SORCS3: variants seen among roughly 807,000 people sequenced by gnomAD.
SORCS3 encodes sortilin related VPS10 domain containing receptor 3.
Under a neutral mutation model 146.3 loss-of-function variants are expected in SORCS3, and 57 were observed. The observed-to-expected ratio is 0.39, with a 90% CI of 0.31 to 0.49. SORCS3 has a LOEUF of 0.49. Ranked by LOEUF, SORCS3 falls within the 20% of genes least tolerant of loss-of-function variation. The probability of loss-of-function intolerance (pLI) is 0.92; values close to 1 mark genes in which losing one functional copy is unlikely to be tolerated. For missense variants in SORCS3, 1,341 were observed against 1,575.5 expected (o/e 0.85, Z 2.52); for synonymous variants, 653 against 618.5 (o/e 1.06, Z -0.83).
intron 3 of SORCS3, among the ~76,000 whole-genome samples, chr10:104,916,736 T>TTAAAGGTCATTTTAATATTTC (rs1248055316): frequency 6.6e-6 from 1 of 152,090 alleles, no homozygotes; most frequent in Non-Finnish European, 1.5e-5. Flanking sequence ...AATGACCATA[T>TTAAAGGTCATTTTAATATTTC]TAAAGGTCAT....
intron 1 of SORCS3, among the ~76,000 whole-genome samples, chr10:104,794,622 G>GGAGAGAGAGAGAGA (rs371695559): frequency 9.7e-5 from 4 of 41,386 alleles, no homozygotes; most frequent in African/African-American, 3.3e-4. Flanking sequence ...AGAGAGGGAG[G>GGAGAGAGAGAGAGA]GAGAGAGAGA....
At chr10:104,679,401 C>T (rs547531008) in intron 1 of SORCS3, among the ~76,000 whole-genome samples, 1 of 152,230 alleles carries the variant, frequency 6.6e-6, no homozygotes, top group East Asian at 1.9e-4. Flanking sequence ...TTACCAGATG[C>T]TTTCTTTACA....
intron 1 of SORCS3, among the ~76,000 whole-genome samples, chr10:104,748,584 G>A (rs1255644665): frequency 6.6e-6 from 1 of 152,164 alleles, no homozygotes; most frequent in East Asian, 1.9e-4. Flanking sequence ...TGGGTGCAGT[G>A]GCTCACACCT....
At chr10:104,977,794 C>T (rs1422217499) in intron 4 of SORCS3, among the ~76,000 whole-genome samples, 19 of 145,592 alleles carry the variant, frequency 1.3e-4, no homozygotes, top group East Asian at 1.0e-3. Context: ...TGCAGTGGCG[C>T]GATCTTGGCT....
At chr10:104,729,988 T>C (rs1164500625) in intron 1 of SORCS3, among the ~76,000 whole-genome samples, 1 of 152,214 alleles carries the variant, frequency 6.6e-6, no homozygotes, top group African/African-American at 2.4e-5. Flanking sequence ...TTTCTGAGAA[T>C]TATGTAATTT....
rs367757847 is a variant in SORCS3 at position 105,212,813 on chromosome 10, A to G, written c.2375+1563A>G. ...GGACATGGTACCCACTGAAATACCT[A>G]TCATCAGTAAAAACTGAGTGTCTTG... On this transcript the variant is annotated intron_variant, in intron 17 of 26. Transcript: ENST00000369701. Among the ~76,000 whole-genome samples the G allele has an allele frequency of 8.5e-5, 13 of 152,306 alleles. No homozygotes were observed. The East Asian group carries it at 1.9e-3, about 23-fold the overall frequency.
chr10:104,958,440 A>G (rs2054768293), intron 3 of SORCS3, among the ~76,000 whole-genome samples: 1 of 152,294 alleles, frequency 6.6e-6, no homozygotes, highest in African/African-American at 2.4e-5. Flanking sequence ...TTAAAGTTCT[A>G]GATTGAATTA....
Position 104,899,263 on chromosome 10 carries a change from T to G in SORCS3, c.696-16570T>G, listed in dbSNP as rs569855466. On this transcript the variant is annotated intron_variant, in intron 2 of 26. Coordinates refer to ENST00000369701, the MANE Select transcript of SORCS3 (RefSeq NM_014978.3). ...GTTTTTAAACAGAGAATTCAGCTTA[T>G]CTGGCACATTAAAACTTACAGACTC... 2.0e-5 allele frequency among the ~76,000 whole-genome samples: 3 copies of G among 152,360 alleles called. No individual in the cohort carries two copies. The East Asian group carries it at 5.8e-4, about 29-fold the overall frequency.
intron 4 of SORCS3, among the ~76,000 whole-genome samples, chr10:105,032,142 C>T (rs189760363): frequency 3.3e-5 from 5 of 152,136 alleles, no homozygotes; most frequent in African/African-American, 1.2e-4. Flanking sequence ...CAGTGAGCCA[C>T]GATTGCGCCA....
At chr10:105,017,842 C>G (rs956784418) in intron 4 of SORCS3, among the ~76,000 whole-genome samples, 12 of 152,022 alleles carry the variant, frequency 7.9e-5, no homozygotes, top group Admixed American at 1.3e-4. Context: ...TTTTATATTC[C>G]CTGTAGTGGA....
Position 105,255,858 on chromosome 10 carries a change from AAAG to A in SORCS3, c.3337+58_3337+60del. 4 of 1,374,070 alleles carry A rather than the reference AAAG, an allele frequency of 2.9e-6. No homozygotes were observed. In the Admixed American group the frequency reaches 5.3e-5, roughly 18 times the overall value. 85.1% of individuals were successfully genotyped at this position (1,374,070 alleles called of 1,614,324 possible). On this transcript the variant is annotated intron_variant, in intron 24 of 26. Coordinates refer to ENST00000369701, the MANE Select transcript of SORCS3 (RefSeq NM_014978.3). Reference sequence around the variant, plus strand: ...AAGAGGATCTGTTATCCCAGAGAGAAAAGGAGGAGAGAATCATGAAACCCTGCT... The same window carrying A: ...AAGAGGATCTGTTATCCCAGAGAGAAGAGGAGAGAATCATGAAACCCTGCT...
At chr10:105,164,484 C>G in intron 12 of SORCS3, 105 bp downstream of exon 12, 2 of 886,346 alleles carry the variant, frequency 2.3e-6, no homozygotes, top group Non-Finnish European at 3.7e-6. Context: ...TTTGTAATTT[C>G]AAAACATTTG....
At chr10:105,093,279 A>T (rs1023619566) in intron 6 of SORCS3, among the ~76,000 whole-genome samples, 2 of 152,224 alleles carry the variant, frequency 1.3e-5, no homozygotes, top group African/African-American at 4.8e-5. Context: ...CTCCAAATAG[A>T]TCATAGATCT....
At chr10:104,742,913 A>G (rs1055356905) in intron 1 of SORCS3, among the ~76,000 whole-genome samples, 1 of 152,180 alleles carries the variant, frequency 6.6e-6, no homozygotes, top group Non-Finnish European at 1.5e-5. Context: ...TATTATTATT[A>G]TTGTTTATTA....
intron 2 of SORCS3, among the ~76,000 whole-genome samples, chr10:104,889,811 C>T (rs920945768): frequency 3.3e-5 from 5 of 152,060 alleles, no homozygotes; most frequent in Admixed American, 1.3e-4. Flanking sequence ...CTTTGTTTTG[C>T]GTAGATACAT....
At chr10:104,822,388 C>A (rs1554853047) in intron 1 of SORCS3, among the ~76,000 whole-genome samples, 1 of 152,196 alleles carries the variant, frequency 6.6e-6, no homozygotes, top group Non-Finnish European at 1.5e-5. Context: ...TTTCTCAGGA[C>A]TGTGGCCATG....
chr10:104,835,739 T>C (rs1219644992), intron 1 of SORCS3, among the ~76,000 whole-genome samples: 1 of 152,182 alleles, frequency 6.6e-6, no homozygotes, highest in Non-Finnish European at 1.5e-5. Context: ...TGAGCATTTT[T>C]TTAGAAGGAG....
chr10:105,263,860 G>A lies in SORCS3; in HGVS notation c.*486G>A, dbSNP rs998510938. ...AAGCATGCACAACTTTGTGAAAGAGGCCCTGCCTTGTGCATGTCCATAGTG... is the reference window on the plus strand; with the variant it reads ...AAGCATGCACAACTTTGTGAAAGAGACCCTGCCTTGTGCATGTCCATAGTG... On this transcript the variant is annotated 3_prime_UTR_variant, in exon 27 of 27. Coordinates refer to ENST00000369701, the MANE Select transcript of SORCS3 (RefSeq NM_014978.3). 1 of 155,742 alleles carries A rather than the reference G, an allele frequency of 6.4e-6. No homozygotes were observed. Among genetic ancestry groups the A allele is most frequent in the African/African-American group, 2.4e-5 (1 of 41,472 alleles). 9.6% of individuals were successfully genotyped at this position (155,742 alleles called of 1,614,324 possible).
At chr10:104,791,991 T>C (rs2017500030) in intron 1 of SORCS3, among the ~76,000 whole-genome samples, 1 of 152,206 alleles carries the variant, frequency 6.6e-6, no homozygotes, top group African/African-American at 2.4e-5. Flanking sequence ...CTGATATTTA[T>C]GTTTTATGTA....
Sources: gnomAD v4.1 joint callset for allele counts (sites outside exome capture counted in the v4.1 genomes callset) on GRCh38, gnomAD v4.1.1 for gene constraint, MANE v1.5 for transcripts, NCBI Gene and HGNC (gene_info 2026-07-23, HGNC 2026-07-21) for gene names.